Variants in PNPT1 observed in about 807,000 individuals in gnomAD.
PNPT1 encodes polyribonucleotide nucleotidyltransferase 1, mitochondrial.
A neutral mutation model predicts 119.5 loss-of-function variants in PNPT1; 53 were observed. That is an observed-to-expected ratio of 0.44 (90% CI 0.36 to 0.56). PNPT1 has a LOEUF of 0.56. Among genes scored for constraint, PNPT1 ranks in the 20% least tolerant of loss-of-function variants. The pLI, the probability that PNPT1 is intolerant of heterozygous loss-of-function variation, is 0.00. For synonymous variants in PNPT1, 357 were observed against 322.1 expected (o/e 1.11, Z -1.16); for missense variants, 948 against 938.5 (o/e 1.01, Z -0.13).
chr2:55,685,638 A>C (rs1697382895), intron 3 of PNPT1, among the ~76,000 whole-genome samples: 1 of 152,078 alleles, frequency 6.6e-6, no homozygotes, highest in African/African-American at 2.4e-5. Flanking sequence ...TTTGGTATCA[A>C]CTCTGTTAAA....
intron 18 of PNPT1, among the ~76,000 whole-genome samples, chr2:55,651,048 G>A (rs1325407264): frequency 1.1e-4 from 13 of 120,864 alleles, no homozygotes; most frequent in South Asian, 2.8e-4. Context: ...CTGCCTGGCC[G>A]GCCGCCCCGT....
intron 1 of PNPT1, among the ~76,000 whole-genome samples, chr2:55,692,424 G>T (rs1294906729): frequency 6.6e-6 from 1 of 152,030 alleles, no homozygotes; most frequent in East Asian, 1.9e-4. Flanking sequence ...ATGAACTGGG[G>T]TCCAAATTTT....
chr2:55,654,507 GAAGGAAATA>G (rs1220043357), intron 18 of PNPT1, among the ~76,000 whole-genome samples: 1 of 152,088 alleles, frequency 6.6e-6, no homozygotes, highest in East Asian at 1.9e-4. Flanking sequence ...CTACCTTTTG[GAAGGAAATA>G]AAGTTTACTG....
intron 1 of PNPT1, among the ~76,000 whole-genome samples, chr2:55,692,834 T>G (rs1284154257): frequency 6.6e-6 from 1 of 152,164 alleles, no homozygotes; most frequent in African/African-American, 2.4e-5. Flanking sequence ...ACTCCTAACT[T>G]CAAGTCATCC....
chr2:55,644,779 A>C, intron 22 of PNPT1, 59 bp from the exon 23 acceptor site: 2 of 1,230,022 alleles, frequency 1.6e-6, no homozygotes, highest in Non-Finnish European at 2.3e-6. Flanking sequence ...AACCTAAAAC[A>C]TGCCATGGTC....
In PNPT1 at chr2:55,640,696, A is replaced by G; in HGVS notation, c.2079T>C (p.Gly693=). The change falls in exon 26 of 28, where the codon GGT becomes GGC. Residue 693 remains glycine (G), a synonymous_variant. Coordinates refer to ENST00000447944, the MANE Select transcript of PNPT1 (RefSeq NM_033109.5). ...TATTTGGATATAATTTTACCATTAC[A>G]CCAGTATCTCTACAAAAAAATAAAT... ...TATITEIRDT[G]VMVKLYPNMT... The G allele has an allele frequency of 6.4e-7, 1 of 1,571,722 alleles. No individual in the cohort carries two copies. Among genetic ancestry groups the G allele is most frequent in the South Asian group, 1.1e-5 (1 of 90,104 alleles).
intron 1 of PNPT1, among the ~76,000 whole-genome samples, chr2:55,688,740 CAA>C (rs1215968312): frequency 1.2e-4 from 18 of 151,398 alleles, no homozygotes; most frequent in African/African-American, 2.9e-4. Flanking sequence ...CAAAACAAAA[CAA>C]AACAACAACA....
chr2:55,652,106 T>C (rs1486106356), intron 18 of PNPT1, among the ~76,000 whole-genome samples: 1 of 152,208 alleles, frequency 6.6e-6, no homozygotes, highest in African/African-American at 2.4e-5. Context: ...TCTCAGCCAA[T>C]TATGCTCAGC....
chr2:55,636,063 TG>T lies in PNPT1; in HGVS notation c.*173del. 2.6e-6 allele frequency: 1 copy of T among 378,738 alleles called. No individual in the cohort carries two copies. The highest frequency in any genetic ancestry group is 4.6e-6 in the Non-Finnish European group (1 of 218,622). 23.5% of individuals were successfully genotyped at this position (378,738 alleles called of 1,614,324 possible). A position where few individuals can be genotyped will look rare whatever the true frequency, so the allele number is the denominator to read the frequency against. ...TAATGTAAATACAATTAAACAAATA[TG>T]GGTTACTCGAATTAAAAAAATGGCA... On this transcript the variant is annotated 3_prime_UTR_variant, in exon 28 of 28. Coordinates refer to ENST00000447944, the MANE Select transcript of PNPT1 (RefSeq NM_033109.5).
In PNPT1 at chr2:55,684,986, C is replaced by T; in HGVS notation, c.360G>A (p.Glu120=). Reference sequence around the variant, plus strand: ...GAATTTCTTTATCAGAAGTACCAATCTCTCTTCTCAGATAGTTTGTGGGAA... The same window carrying T: ...GAATTTCTTTATCAGAAGTACCAATTTCTCTTCTCAGATAGTTTGTGGGAA... The part of the protein sequence containing the change: ...GRIPTNYLRR[E]IGTSDKEILT... Residue 120 remains glutamate, a synonymous_variant, in exon 4 of 28, where the codon GAG becomes GAA. Transcript: ENST00000447944. 1.3e-6 allele frequency: 2 copies of T among 1,592,980 alleles called. No individual in the cohort carries two copies. Among genetic ancestry groups the T allele is most frequent in the Non-Finnish European group, 1.7e-6 (2 of 1,164,694 alleles).
intron 11 of PNPT1, among the ~76,000 whole-genome samples, chr2:55,669,333 G>A (rs1224289095): frequency 6.6e-6 from 1 of 152,124 alleles, no homozygotes; most frequent in Non-Finnish European, 1.5e-5. Context: ...TAGATGTTAA[G>A]CTATTCTACC....
rs75200999 is a variant in PNPT1 at position 55,675,733 on chromosome 2, T to C, written c.680-2654A>G. 8.3e-3 allele frequency among the ~76,000 whole-genome samples: 1,262 copies of C among 152,236 alleles called. 11 individuals are homozygous for C. Among genetic ancestry groups the C allele is most frequent in the African/African-American group, 0.027 (1,139 of 41,538 alleles). ...AAGAAAGAAAGAACACTCCTTACAG[T>C]TGAGTCTACAGAGCTGTGCTGTCCA... On this transcript the variant is annotated intron_variant, in intron 8 of 27. Coordinates refer to ENST00000447944, the MANE Select transcript of PNPT1 (RefSeq NM_033109.5).
chr2:55,672,093 A>G (rs782631), intron 9 of PNPT1, 47 bp from the exon 10 acceptor site: 3 of 1,400,446 alleles, frequency 2.1e-6, no homozygotes, highest in Non-Finnish European at 2.0e-6. Context: ...TCTGGAAACA[A>G]GAGGCAGTTT....
At chr2:55,659,340 C>A (rs1296593371) in intron 15 of PNPT1, among the ~76,000 whole-genome samples, 3 of 152,164 alleles carry the variant, frequency 2.0e-5, no homozygotes, top group Non-Finnish European at 4.4e-5. Context: ...TAAAGTCAAT[C>A]ACAAACTCAA....
intron 25 of PNPT1, among the ~76,000 whole-genome samples, chr2:55,642,483 C>G (rs1695861958): frequency 6.6e-6 from 1 of 151,722 alleles, no homozygotes; most frequent in Admixed American, 6.6e-5. Context: ...GTGGCGGGCA[C>G]CTGCAGTCCC....
In PNPT1 at chr2:55,668,094, C is replaced by T. The variant is rs1278187815; in HGVS notation, c.977-136G>A. On this transcript the variant is annotated intron_variant, in intron 11 of 27. Coordinates refer to ENST00000447944, the MANE Select transcript of PNPT1 (RefSeq NM_033109.5). ...TGACTCTGAACGTTTAGTCCTCAGG[C>T]AAACAAAGTAGATAAATTAAATGTT... 2.6e-5 allele frequency: 18 copies of T among 700,462 alleles called. 1 individual carries two copies. Among genetic ancestry groups the T allele is most frequent in the Admixed American group, 2.5e-4 (7 of 28,392 alleles). The allele number at this position is 700,462 out of a possible 1,614,324, so 43.4% of individuals were successfully genotyped here. A position where few individuals can be genotyped will look rare whatever the true frequency, so the allele number is the denominator to read the frequency against.
intron 18 of PNPT1, among the ~76,000 whole-genome samples, chr2:55,649,211 G>C (rs1696095593): frequency 6.6e-6 from 1 of 152,056 alleles, no homozygotes; most frequent in Non-Finnish European, 1.5e-5. Flanking sequence ...GGCCAAGATG[G>C]GAGGATCACT....
In PNPT1 at chr2:55,656,302, T is replaced by TA; in HGVS notation, c.1351+2dup. 6.2e-7 allele frequency: 1 copy of TA among 1,611,906 alleles called. No homozygotes were observed. The highest frequency in any genetic ancestry group is 1.1e-5 in the South Asian group (1 of 90,522). On this transcript the variant is annotated splice_region_variant and intron_variant, in intron 16 of 27. Coordinates refer to ENST00000447944, the MANE Select transcript of PNPT1 (RefSeq NM_033109.5). Reference sequence around the variant, plus strand: ...CGTATTAAGTTTACAGACCTGTACTTACCATGCCCAAGTTCTCTTCTATTT... The same window carrying TA: ...CGTATTAAGTTTACAGACCTGTACTTAACCATGCCCAAGTTCTCTTCTATTT...
In PNPT1 at chr2:55,644,730, A is replaced by C; in HGVS notation, c.1823-10T>G. 6.3e-7 allele frequency: 1 copy of C among 1,577,912 alleles called. No homozygotes were observed. The highest frequency in any genetic ancestry group is 8.7e-7 in the Non-Finnish European group (1 of 1,148,884). On this transcript the variant is annotated splice_polypyrimidine_tract_variant and intron_variant, in intron 22 of 27. Coordinates refer to ENST00000447944, the MANE Select transcript of PNPT1 (RefSeq NM_033109.5). Reference sequence around the variant, plus strand: ...GGAACCTGAACAGTTTCTGGAACGTAATACAGACAAATATATAAACAATTC... The same window carrying C: ...GGAACCTGAACAGTTTCTGGAACGTCATACAGACAAATATATAAACAATTC...
Sources: gnomAD v4.1 joint callset for allele counts (sites outside exome capture counted in the v4.1 genomes callset) on GRCh38, gnomAD v4.1.1 for gene constraint, MANE v1.5 for transcripts, NCBI Gene and HGNC (gene_info 2026-07-23, HGNC 2026-07-21) for gene names.